Variants in SLCO2B1 observed in about 807,000 individuals in gnomAD.
SLCO2B1 encodes OATP-RP2.
SLCO2B1 carries 41 observed loss-of-function variants against 67.3 expected under a neutral mutation model. The ratio of observed to expected loss-of-function variants is 0.61; its 90% CI spans 0.47 to 0.79. The LOEUF is 0.79. SLCO2B1 is among the 30% of genes least tolerant of loss of function. The probability of loss-of-function intolerance (pLI) is 0.00; values close to 1 mark genes in which losing one functional copy is unlikely to be tolerated. For synonymous variants in SLCO2B1, 379 were observed against 381.4 expected, an observed-to-expected ratio of 0.99 and a Z score of 0.07; for missense variants, 837 against 920.1, an observed-to-expected ratio of 0.91 and a Z score of 1.17.
At chr11:75,184,686 T>A (rs994069692) in intron 7 of SLCO2B1, among the ~76,000 whole-genome samples, 2 of 152,208 alleles carry the variant, frequency 1.3e-5, no homozygotes, top group African/African-American at 4.8e-5. Context: ...TCAGCCTGCA[T>A]CCTGCCACTT....
chr11:75,191,487 G>A (rs541436794), intron 8 of SLCO2B1, among the ~76,000 whole-genome samples: 1 of 152,236 alleles, frequency 6.6e-6, no homozygotes, highest in South Asian at 2.1e-4. Context: ...GAAAAGAGGG[G>A]GAATTCCACA....
chr11:75,174,463 G>A (rs1032099187), intron 7 of SLCO2B1, among the ~76,000 whole-genome samples: 2 of 152,208 alleles, frequency 1.3e-5, no homozygotes, highest in Non-Finnish European at 2.9e-5. Context: ...GGATAGAGGT[G>A]CATCTGGGAG....
intron 4 of SLCO2B1, among the ~76,000 whole-genome samples, chr11:75,166,472 T>G (rs367730588): frequency 2.7e-4 from 41 of 152,176 alleles, no homozygotes; most frequent in African/African-American, 9.9e-4. Context: ...GGGATTTTGT[T>G]GAGGCCCTAC....
At chr11:75,194,275 G>T (rs1251965707) in intron 9 of SLCO2B1, among the ~76,000 whole-genome samples, 1 of 152,200 alleles carries the variant, frequency 6.6e-6, no homozygotes, top group East Asian at 1.9e-4. Flanking sequence ...TTCTTGGAGA[G>T]GATGTTGGAA....
intron 7 of SLCO2B1, among the ~76,000 whole-genome samples, chr11:75,184,194 T>C (rs545522945): frequency 2.0e-4 from 31 of 152,280 alleles, no homozygotes; most frequent in African/African-American, 7.2e-4. Context: ...GAACCATCTC[T>C]TGCGCTCCTC....
At chr11:75,156,835 G>C (rs1007048081) in intron 1 of SLCO2B1, among the ~76,000 whole-genome samples, 1 of 152,220 alleles carries the variant, frequency 6.6e-6, no homozygotes, top group Non-Finnish European at 1.5e-5. Context: ...GTAACTTCCT[G>C]ACATTGCCAT....
chr11:75,168,078 C>T (rs1053815429), intron 4 of SLCO2B1, among the ~76,000 whole-genome samples: 8 of 151,786 alleles, frequency 5.3e-5, no homozygotes, highest in South Asian at 2.1e-4. Context: ...ATTTTAGTAG[C>T]GATGGGATTT....
At chr11:75,169,499 C>T in intron 5 of SLCO2B1, 93 bp downstream of exon 5, 1 of 1,262,888 alleles carries the variant, frequency 7.9e-7, no homozygotes, top group Non-Finnish European at 1.1e-6. Flanking sequence ...AGATGGAATC[C>T]CTGCCCCCTG....
At chr11:75,155,033 G>C (rs2140300151) in intron 1 of SLCO2B1, among the ~76,000 whole-genome samples, 1 of 152,240 alleles carries the variant, frequency 6.6e-6, no homozygotes, top group South Asian at 2.1e-4. Flanking sequence ...GGGTCTAGAT[G>C]GGGTAGCCAG....
intron 7 of SLCO2B1, among the ~76,000 whole-genome samples, chr11:75,185,289 T>C (rs1950135593): frequency 6.6e-6 from 1 of 152,162 alleles, no homozygotes; most frequent in Non-Finnish European, 1.5e-5. Flanking sequence ...GTGTGAGTCC[T>C]GTAGGAACCT....
chr11:75,204,611 A>G lies in SLCO2B1; in HGVS notation c.*31A>G, dbSNP rs763412098. The G allele has an allele frequency of 5.1e-6, 8 of 1,568,966 alleles. No individual in the cohort carries two copies. The highest frequency in any genetic ancestry group is 2.3e-5 in the East Asian group (1 of 44,342). On this transcript the variant is annotated 3_prime_UTR_variant, in exon 14 of 14. Transcript: ENST00000289575. The stretch of plus-strand genomic sequence containing the variant: ...CTTGGGGCCCCACCTGGCCAAGAGT[A>G]GCAGCCACAGCAGTACCTCCTCTGA...
chr11:75,151,705 C>G (rs1949693015), intron 1 of SLCO2B1: 1 of 474,230 alleles, frequency 2.1e-6, no homozygotes, highest in African/African-American at 1.9e-5. Context: ...GCCGTTTCCC[C>G]TCTCAAAGGA....
chr11:75,161,770 T>C (rs1949824267), intron 1 of SLCO2B1, among the ~76,000 whole-genome samples: 1 of 152,096 alleles, frequency 6.6e-6, no homozygotes, highest in Non-Finnish European at 1.5e-5. Context: ...TCAGTCTAAA[T>C]AGAGGGGTGG....
intron 11 of SLCO2B1, chr11:75,200,621 C>A: frequency 2.2e-6 from 1 of 459,090 alleles, no homozygotes; most frequent in Non-Finnish European, 3.8e-6. Flanking sequence ...GCCCCCATCA[C>A]ATAGCAAGTG....
intron 1 of SLCO2B1, among the ~76,000 whole-genome samples, chr11:75,153,212 T>G (rs1949712003): frequency 6.6e-6 from 1 of 152,196 alleles, no homozygotes; most frequent in South Asian, 2.1e-4. Flanking sequence ...TCCAGATTCT[T>G]CCAGCTGGGG....
At chr11:75,165,741 C>T (rs560394853) in intron 3 of SLCO2B1, 46 bp from the exon 4 acceptor site, 17 of 1,597,798 alleles carry the variant, frequency 1.1e-5, no homozygotes, top group Non-Finnish European at 1.4e-5. Context: ...AGGCCCCCAG[C>T]CCTGGGAACT....
Position 75,193,310 on chromosome 11 carries a change from A to G in SLCO2B1, c.1168A>G (p.Met390Val). 1 of 1,614,044 alleles carries G rather than the reference A, an allele frequency of 6.2e-7. No individual in the cohort carries two copies. The highest frequency in any genetic ancestry group is 8.5e-7 in the Non-Finnish European group (1 of 1,180,010). Residue 390 changes from methionine (M) to valine (V), a missense_variant, in exon 9 of 14, where the codon ATG (methionine) becomes GTG (valine). Transcript: ENST00000289575. This position sits in a 1 kb window ranked among gnomAD's most constrained non-coding sequence, Gnocchi z 4.2. ...QVCLSSMAAG[M>V]ATFLPKFLER... is the part of the protein sequence containing the mutation. ...ATGCTTGTCATCCATGGCTGCGGGC[A>G]TGGCCACCTTCCTGCCCAAGTTCCT...
Position 75,193,636 on chromosome 11 carries a change from G to C in SLCO2B1, c.1433+61G>C. ...GGAGGACAGGACAGGGAGGACAGGG[G>C]CCCTGGGCAGAGGCCAGGATGGCAG... On this transcript the variant is annotated intron_variant, in intron 9 of 13. Coordinates refer to ENST00000289575, the MANE Select transcript of SLCO2B1 (RefSeq NM_007256.5). The surrounding 1 kb of genome is among the most constrained non-coding windows in gnomAD (Gnocchi z 4.2). 1 of 1,442,202 alleles carries C rather than the reference G, an allele frequency of 6.9e-7. No individual in the cohort carries two copies. Among genetic ancestry groups the C allele is most frequent in the Non-Finnish European group, 9.3e-7 (1 of 1,080,246 alleles). 89.3% of individuals were successfully genotyped at this position (1,442,202 alleles called of 1,614,324 possible). A position where few individuals can be genotyped will look rare whatever the true frequency, so the allele number is the denominator to read the frequency against.
Position 75,172,500 on chromosome 11 carries a change from G to A in SLCO2B1, c.903G>A (p.Met301Ile). The A allele has an allele frequency of 6.2e-7, 1 of 1,614,208 alleles. No homozygotes were observed. Among genetic ancestry groups the A allele is most frequent in the Non-Finnish European group, 8.5e-7 (1 of 1,180,022 alleles). ...AIPYFFFPKE[M>I]PKEKRELQFR... is the part of the protein sequence containing the mutation. ...CCTACTTCTTCTTCCCCAAGGAAAT[G>A]CCCAAGGAAAAACGTGAGCTTCAGT... The change falls in exon 7 of 14, where the codon ATG becomes ATA. Residue 301 changes from methionine (M) to isoleucine (I), a missense_variant. Met to Ile is a conservative substitution (Grantham distance 10). Coordinates refer to ENST00000289575, the MANE Select transcript of SLCO2B1 (RefSeq NM_007256.5).
Sources: gnomAD v4.1 joint callset for allele counts (sites outside exome capture counted in the v4.1 genomes callset) on GRCh38, gnomAD v4.1.1 for gene constraint, Gnocchi (gnomAD v3.1) non-coding constraint, MANE v1.5 for transcripts, NCBI Gene and HGNC (gene_info 2026-07-23, HGNC 2026-07-21) for gene names.